Variants in NOXRED1 observed in about 807,000 individuals in gnomAD.
NOXRED1 encodes NADP dependent oxidoreductase domain containing 1.
Under a neutral mutation model 30.4 loss-of-function variants are expected in NOXRED1, and 20 were observed. The ratio of observed to expected loss-of-function variants is 0.66; its 90% CI spans 0.46 to 0.96. The LOEUF (loss-of-function observed/expected upper bound fraction) is 0.96. Among genes scored for constraint, NOXRED1 ranks in the 40% least tolerant of loss-of-function variants. The pLI, the probability that NOXRED1 is intolerant of heterozygous loss-of-function variation, is 0.00. For missense variants in NOXRED1, 374 were observed against 428.0 expected (o/e 0.87, Z 1.11); for synonymous variants, 155 against 168.0 (o/e 0.92, Z 0.60).
chr14:77,420,493 CTGTAATTTGTAATT>C (rs930807754), intron 1 of NOXRED1, among the ~76,000 whole-genome samples: 7 of 151,482 alleles, frequency 4.6e-5, no homozygotes, highest in South Asian at 2.1e-4. Context: ...GATTACAGGC[CTGTAATTTGTAATT>C]TGTAATTTGT....
chr14:77,400,862 T>C (rs1313728720), intron 5 of NOXRED1, among the ~76,000 whole-genome samples: 1 of 152,154 alleles, frequency 6.6e-6, no homozygotes, highest in East Asian at 1.9e-4. Context: ...TACTTAGGTA[T>C]AAATCAAATG....
rs571081423 is a variant in NOXRED1 at position 77,412,926 on chromosome 14, C to T, written c.349+1008G>A. 4.8e-3 allele frequency among the ~76,000 whole-genome samples: 717 copies of T among 150,782 alleles called. 1 individual carries two copies. Among genetic ancestry groups the T allele is most frequent in the Non-Finnish European group, 7.5e-3 (509 of 67,782 alleles). ...GATATAATTAGAGAAAAAAAAAACA[C>T]GGGAAGGAAATAACCCGAGTAGATT... On this transcript the variant is annotated intron_variant, in intron 2 of 5. Coordinates refer to ENST00000380835, the MANE Select transcript of NOXRED1 (RefSeq NM_001113475.3).
In NOXRED1 at chr14:77,394,795, A is replaced by G. The variant is rs1018696043; in HGVS notation, c.916T>C (p.Trp306Arg). The change falls in exon 6 of 6, where the codon TGG becomes CGG. Residue 306 changes from tryptophan (W) to arginine (R), a missense_variant. Transcript: ENST00000380835. ...KNLSQERPFP[W>R]FDLTAVQLKE... ...AGTTGCACAGCAGTCAGATCAAACC[A>G]GGGGAAAGGCCTGAGGTGAAAAAAA... The G allele has an allele frequency of 6.2e-7, 1 of 1,612,642 alleles. No individual in the cohort carries two copies. The highest frequency in any genetic ancestry group is 2.2e-5 in the East Asian group (1 of 44,878).
chr14:77,396,090 C>T (rs148554578), intron 5 of NOXRED1, among the ~76,000 whole-genome samples: 9 of 152,022 alleles, frequency 5.9e-5, no homozygotes, highest in African/African-American at 2.2e-4. Flanking sequence ...GCAAAGATAC[C>T]TGCTCTCACC....
At chr14:77,395,987 G>A (rs1300763605) in intron 5 of NOXRED1, among the ~76,000 whole-genome samples, 1 of 152,018 alleles carries the variant, frequency 6.6e-6, no homozygotes, top group Non-Finnish European at 1.5e-5. Flanking sequence ...GAGGCTGAGA[G>A]AAGAGGATTG....
At chr14:77,425,529 CTT>C (rs1436378016), upstream of NOXRED1, among the ~76,000 whole-genome samples, 2 of 152,168 alleles carry the variant, frequency 1.3e-5, no homozygotes, top group Non-Finnish European at 1.5e-5. Context: ...AAATTAAACT[CTT>C]GTTTCTTCAA....
chr14:77,400,328 T>C (rs2139666363), intron 5 of NOXRED1, among the ~76,000 whole-genome samples: 1 of 152,328 alleles, frequency 6.6e-6, no homozygotes, highest in South Asian at 2.1e-4. Context: ...TCCTAACTGA[T>C]CTAACAGATA....
chr14:77,418,656 C>T (rs142081927), intron 1 of NOXRED1, among the ~76,000 whole-genome samples: 18 of 151,942 alleles, frequency 1.2e-4, no homozygotes, highest in South Asian at 4.2e-4. Flanking sequence ...CAGACTACCA[C>T]GTACCTGAGA....
chr14:77,418,055 C>A (rs7145606), intron 1 of NOXRED1, among the ~76,000 whole-genome samples: 25,772 of 152,014 alleles, frequency 0.17, 2,453 homozygotes, highest in Middle Eastern at 0.28. Flanking sequence ...CCTACCCCTG[C>A]TTTTTGTTAT....
chr14:77,408,147 C>T (rs1048338807), intron 2 of NOXRED1, among the ~76,000 whole-genome samples: 16 of 152,118 alleles, frequency 1.1e-4, no homozygotes, highest in Non-Finnish European at 1.0e-4. Flanking sequence ...GGATTACAGG[C>T]GTGAGCCACC....
rs1190041326 is a variant in NOXRED1 at position 77,407,451 on chromosome 14, C to T, written c.530+14G>A. The T allele has an allele frequency of 6.2e-7, 1 of 1,603,010 alleles. No individual in the cohort carries two copies. Among genetic ancestry groups the T allele is most frequent in the East Asian group, 2.2e-5 (1 of 44,836 alleles). ...AGCAGTTGTGCCAGTTCCATTCTCA[C>T]CCTAACAAGATACCTGGGTAGTGGG... On this transcript the variant is annotated intron_variant, in intron 3 of 5. Transcript: ENST00000380835.
intron 1 of NOXRED1, among the ~76,000 whole-genome samples, chr14:77,415,957 C>A (rs145852025): frequency 1.3e-5 from 2 of 152,168 alleles, no homozygotes; most frequent in African/African-American, 4.8e-5. Context: ...TCAAGTGATC[C>A]GCCCACCTCC....
intron 5 of NOXRED1, among the ~76,000 whole-genome samples, chr14:77,397,626 C>T (rs1894223042): frequency 6.6e-6 from 1 of 152,104 alleles, no homozygotes; most frequent in East Asian, 1.9e-4. Flanking sequence ...GTGGCTCACA[C>T]CTGTAATCCC....
chr14:77,415,647 CATAT>C (rs1491012037), intron 1 of NOXRED1, among the ~76,000 whole-genome samples: 1 of 149,928 alleles, frequency 6.7e-6, no homozygotes. Flanking sequence ...GACAGACAGA[CATAT>C]AGATATAGTT....
At chr14:77,410,206 G>A (rs1426976548) in intron 2 of NOXRED1, among the ~76,000 whole-genome samples, 1 of 152,092 alleles carries the variant, frequency 6.6e-6, no homozygotes, top group East Asian at 1.9e-4. Flanking sequence ...GGTGAAGTGG[G>A]AGGACTGGTT....
chr14:77,417,212 A>G (rs969054953), intron 1 of NOXRED1, among the ~76,000 whole-genome samples: 3 of 151,770 alleles, frequency 2.0e-5, no homozygotes, highest in Admixed American at 6.6e-5. Flanking sequence ...TTTGTGACCT[A>G]ACGTGATCTA....
intron 5 of NOXRED1, among the ~76,000 whole-genome samples, chr14:77,405,531 T>C (rs932419056): frequency 6.6e-6 from 1 of 152,230 alleles, no homozygotes; most frequent in African/African-American, 2.4e-5. Flanking sequence ...GGTGGACACC[T>C]AGGTAGCTGC....
intron 1 of NOXRED1, among the ~76,000 whole-genome samples, chr14:77,421,339 G>A (rs551003398): frequency 2.0e-5 from 3 of 152,256 alleles, no homozygotes; most frequent in African/African-American, 7.2e-5. Context: ...TTAGTGTCTC[G>A]AGGTTACAGA....
intron 2 of NOXRED1, among the ~76,000 whole-genome samples, chr14:77,412,669 C>T (rs1323245735): frequency 6.6e-6 from 1 of 152,090 alleles, no homozygotes; most frequent in Non-Finnish European, 1.5e-5. Context: ...CCCACCACTA[C>T]ACCTGGCTAA....
Sources: gnomAD v4.1 joint callset for allele counts (sites outside exome capture counted in the v4.1 genomes callset) on GRCh38, gnomAD v4.1.1 for gene constraint, MANE v1.5 for transcripts, NCBI Gene and HGNC (gene_info 2026-07-23, HGNC 2026-07-21) for gene names.